REPS2: variants seen among roughly 807,000 people sequenced by gnomAD.
REPS2 encodes the protein RALBP1 associated Eps domain containing 2, also known as ralBP1-associated Eps domain-containing protein 2.
REPS2 carries 23 observed loss-of-function variants against 53.6 expected under a neutral mutation model. The observed-to-expected ratio is 0.43, with a 90% CI of 0.31 to 0.61. REPS2 has a LOEUF of 0.61. Ranked by LOEUF, REPS2 falls within the 20% of genes least tolerant of loss-of-function variation. The pLI, the probability that REPS2 is intolerant of heterozygous loss-of-function variation, is 0.11. For missense variants in REPS2, 446 were observed against 534.9 expected, an observed-to-expected ratio of 0.83 and a Z score of 1.64; for synonymous variants, 238 against 218.6, an observed-to-expected ratio of 1.09 and a Z score of -0.78.
chrX:17,024,912 AC>A, intron 3 of REPS2, 146 bp from the exon 4 acceptor site: 1 of 794,007 alleles, frequency 1.3e-6, no homozygotes. Context: ...CTGCTGTTTA[AC>A]CATGCTGCAT....
intron 6 of REPS2, among the ~76,000 whole-genome samples, chrX:17,050,194 C>CTTTCTTTCT (rs1223989029): frequency 2.3e-4 from 12 of 51,796 alleles, no homozygotes; most frequent in African/African-American, 1.0e-3. Context: ...TTCTTTCTTT[C>CTTTCTTTCT]TTTTTTTTTT....
chrX:17,007,233 A>G (rs774159043), intron 2 of REPS2, among the ~76,000 whole-genome samples: 1 of 112,273 alleles, frequency 8.9e-6, no homozygotes, highest in African/African-American at 3.2e-5. Flanking sequence ...CAAATGGCCG[A>G]GAAGATTGCC....
intron 1 of REPS2, among the ~76,000 whole-genome samples, chrX:16,988,304 C>T (rs750653473): frequency 9.0e-6 from 1 of 111,195 alleles, no homozygotes; most frequent in Non-Finnish European, 1.9e-5. Context: ...AAACCTGTCT[C>T]TATTTGCAGA....
At chrX:17,027,659 G>GTTTTTTTTTTTTTTTTTTTTTTT (rs761592588) in intron 4 of REPS2, among the ~76,000 whole-genome samples, 1 of 67,270 alleles carries the variant, frequency 1.5e-5, no homozygotes, top group Non-Finnish European at 2.6e-5. Context: ...AAATCTTTAG[G>GTTTTTTTTTTTTTTTTTTTTTTT]TTTTTTTTTT....
intron 2 of REPS2, among the ~76,000 whole-genome samples, chrX:17,010,700 G>T (rs1315679692): frequency 9.0e-6 from 1 of 111,371 alleles, no homozygotes; most frequent in Non-Finnish European, 1.9e-5. Flanking sequence ...ATGAAGAGGT[G>T]CATGTCTACG....
rs182876073 is a variant in REPS2, at chrX:17,019,395, A to G, written c.398-2728A>G. ...TACTTTGTTTGCTGTGTGTAATTCAATTCAGTTTGGGAGACAAGATTCTAA... is the reference window on the plus strand; with the variant it reads ...TACTTTGTTTGCTGTGTGTAATTCAGTTCAGTTTGGGAGACAAGATTCTAA... On this transcript the variant is annotated intron_variant, in intron 2 of 17. Transcript: ENST00000357277. Among the ~76,000 whole-genome samples, 6 of 112,277 alleles carry G rather than the reference A, an allele frequency of 5.3e-5. No homozygotes were observed. In the East Asian group the frequency reaches 1.4e-3, roughly 26 times the overall value.
the REPS2 span, among the ~76,000 whole-genome samples, chrX:17,174,799 G>A: frequency 1.8e-5 from 2 of 112,728 alleles, no homozygotes; most frequent in Admixed American, 1.9e-4. Context: ...TGCTGCTGCC[G>A]CCGCCGCTGC....
In REPS2 at chrX:17,050,199, T is replaced by TTCTTTCTTTCTTTC. The variant is rs2061978281; in HGVS notation, c.908-2182_908-2181insCTTTCTTTCTTTCT. ...CTTTCTTTCTTTCTTTCTTTCTTTT[T>TTCTTTCTTTCTTTC]TTTTTTTTTTTGACAGGGTCTTACT... is the stretch of plus-strand genomic sequence containing the variant. On this transcript the variant is annotated intron_variant, in intron 6 of 17. Coordinates refer to ENST00000357277, the MANE Select transcript of REPS2 (RefSeq NM_004726.3). Among the ~76,000 whole-genome samples the TTCTTTCTTTCTTTC allele has an allele frequency of 5.8e-5, 4 of 68,482 alleles. No individual in the cohort carries two copies. In the South Asian group the frequency reaches 2.1e-3, roughly 36 times the overall value. The allele number at this position is 68,482 out of a possible 115,157, so 59.5% of individuals were successfully genotyped here.
the REPS2 span, among the ~76,000 whole-genome samples, chrX:17,184,893 G>A: frequency 8.9e-6 from 1 of 111,951 alleles, no homozygotes; most frequent in South Asian, 3.8e-4. Flanking sequence ...TATTATCATG[G>A]CCATCTATTT....
intron 2 of REPS2, among the ~76,000 whole-genome samples, chrX:17,020,619 T>A (rs1464053193): frequency 1.9e-5 from 2 of 104,531 alleles, no homozygotes; most frequent in Non-Finnish European, 4.0e-5. Flanking sequence ...GGATTTGTCA[T>A]ATTGCCTGCT....
At position 17,003,808 on chromosome X, in the gene REPS2, C is replaced by A. The variant is rs112616597; in HGVS notation, c.274-2413C>A. 5.4e-3 allele frequency among the ~76,000 whole-genome samples: 605 copies of A among 111,778 alleles called. 5 individuals are homozygous for A. Among genetic ancestry groups the A allele is most frequent in the African/African-American group, 0.019 (583 of 30,775 alleles). On this transcript the variant is annotated intron_variant, in intron 1 of 17. Coordinates refer to ENST00000357277, the MANE Select transcript of REPS2 (RefSeq NM_004726.3). ...CCAGGAAAGAAAGTATTATTTCAGG[C>A]AAACTGGAACATGGTTACTCAGCAC... is the stretch of plus-strand genomic sequence containing the variant.
At chrX:16,976,770 C>T (rs2060960325) in intron 1 of REPS2, among the ~76,000 whole-genome samples, 1 of 111,906 alleles carries the variant, frequency 8.9e-6, no homozygotes, top group African/African-American at 3.2e-5. Context: ...CTATAGATAG[C>T]ATGGCCATAT....
intron 2 of REPS2, among the ~76,000 whole-genome samples, chrX:17,012,690 C>T (rs1349860599): frequency 9.0e-6 from 1 of 111,006 alleles, no homozygotes; most frequent in Non-Finnish European, 1.9e-5. Context: ...GGTCTGGTTG[C>T]AGTCTGGCAC....
At chrX:17,128,351 C>T (rs2063244416) in intron 14 of REPS2, among the ~76,000 whole-genome samples, 1 of 107,910 alleles carries the variant, frequency 9.3e-6, no homozygotes, top group Admixed American at 1.0e-4. Flanking sequence ...CTGTTTGAGA[C>T]AGGGGACTGG....
intron 5 of REPS2, among the ~76,000 whole-genome samples, chrX:17,035,494 C>T (rs1416823952): frequency 3.6e-5 from 4 of 110,672 alleles, no homozygotes; most frequent in Non-Finnish European, 7.6e-5. Flanking sequence ...ACCTAATACT[C>T]AGCCCAGGGA....
rs746229224 is a variant in REPS2 at position 17,083,077 on chromosome X, CTT to C, written c.1516+5692_1516+5693del. ...TGAAATGACAGAAATGTTCCGAGCA[CTT>C]TTTTTTTTTTTTTTTTTTTTTGAGA... On this transcript the variant is annotated intron_variant, in intron 13 of 17. Transcript: ENST00000357277. 8.7e-5 allele frequency among the ~76,000 whole-genome samples: 7 copies of C among 80,570 alleles called. 1 individual carries two copies. The highest frequency in any genetic ancestry group is 3.7e-4 in the East Asian group (1 of 2,684). 70.0% of individuals were successfully genotyped at this position (80,570 alleles called of 115,157 possible). A position where few individuals can be genotyped will look rare whatever the true frequency, so the allele number is the denominator to read the frequency against.
chrX:17,158,906 T>A, the REPS2 span, among the ~76,000 whole-genome samples: 1 of 112,090 alleles, frequency 8.9e-6, no homozygotes, highest in Non-Finnish European at 1.9e-5. Context: ...TCTCATTCTT[T>A]ACCTGACCAG....
chrX:17,029,580 G>T lies in REPS2; in HGVS notation c.728G>T (p.Gly243Val), dbSNP rs202032167. ...CAGCCCGAGGGATCCTCATCAGGGG[G>T]CCCAGGAACCAAGCCCCTTCGGCAT... Reference protein sequence around the residue: ...LVQPEGSSSGGPGTKPLRHQA... With the variant: ...LVQPEGSSSGVPGTKPLRHQA... Residue 243 changes from glycine to valine, a missense_variant, in exon 5 of 18, where the codon GGC becomes GTC. By Grantham distance (109) the Gly-to-Val change is moderately radical. Transcript: ENST00000357277. 1 of 1,210,799 alleles carries T rather than the reference G, an allele frequency of 8.3e-7. No homozygotes were observed. The highest frequency in any genetic ancestry group is 1.8e-5 in the South Asian group (1 of 56,981).
At chrX:17,101,153 A>C (rs2062791890) in intron 13 of REPS2, among the ~76,000 whole-genome samples, 1 of 104,201 alleles carries the variant, frequency 9.6e-6, no homozygotes, top group Non-Finnish European at 1.9e-5. Flanking sequence ...TCTCGGGTTC[A>C]CGCCATTCTC....
Sources: allele counts gnomAD v4.1 joint callset (sites outside exome capture counted in the v4.1 genomes callset), GRCh38; gene constraint gnomAD v4.1.1; transcripts MANE v1.5; gene names NCBI Gene and HGNC (gene_info 2026-07-23, HGNC 2026-07-21).